FANK1: variants seen among roughly 807,000 people sequenced by gnomAD.
FANK1 encodes the protein fibronectin type 3 and ankyrin repeat domains protein 1.
In FANK1, 44 loss-of-function variants were observed where a neutral mutation model predicts 45.3. The ratio of observed to expected loss-of-function variants is 0.97; its 90% CI spans 0.76 to 1.25. The LOEUF (loss-of-function observed/expected upper bound fraction) is 1.25. Among genes scored for constraint, FANK1 ranks in the 50% most tolerant of loss-of-function variants. FANK1 has a pLI of 0.00. For missense variants in FANK1, 391 were observed against 424.4 expected, an observed-to-expected ratio of 0.92 and a Z score of 0.69; for synonymous variants, 149 against 152.5, an observed-to-expected ratio of 0.98 and a Z score of 0.17.
chr10:125,941,859 A>G (rs1192828455), intron 1 of FANK1, among the ~76,000 whole-genome samples: 1 of 152,256 alleles, frequency 6.6e-6, no homozygotes, highest in Non-Finnish European at 1.5e-5. Context: ...GGAAGAATTC[A>G]TATTACAATG....
At chr10:125,974,114 A>G (rs1263532542) in intron 1 of FANK1, among the ~76,000 whole-genome samples, 4 of 152,252 alleles carry the variant, frequency 2.6e-5, no homozygotes, top group African/African-American at 7.2e-5. Flanking sequence ...TCAGTTTCAG[A>G]GAACATATTC....
intron 1 of FANK1, among the ~76,000 whole-genome samples, chr10:125,946,447 A>G (rs921767876): frequency 1.9e-4 from 29 of 152,212 alleles, no homozygotes; most frequent in African/African-American, 7.0e-4. Context: ...AGGCTCGAGA[A>G]CTATGTGAAG....
At chr10:125,905,180 C>T (rs1945400620) in intron 1 of FANK1, among the ~76,000 whole-genome samples, 1 of 152,264 alleles carries the variant, frequency 6.6e-6, no homozygotes, top group Non-Finnish European at 1.5e-5. Context: ...GCCTGTAGTC[C>T]CAGCTACTCT....
At chr10:125,962,574 C>T (rs1949989688) in intron 1 of FANK1, among the ~76,000 whole-genome samples, 1 of 152,064 alleles carries the variant, frequency 6.6e-6, no homozygotes, top group Non-Finnish European at 1.5e-5. Context: ...TTGATTGATA[C>T]AGTTTTCTGC....
chr10:125,910,066 A>G (rs193123797), intron 1 of FANK1, among the ~76,000 whole-genome samples: 13 of 152,262 alleles, frequency 8.5e-5, no homozygotes, highest in African/African-American at 2.6e-4. Flanking sequence ...AGTTATTTAA[A>G]CCTAAGTTTG....
chr10:125,912,868 C>A (rs1328533609), intron 1 of FANK1, among the ~76,000 whole-genome samples: 8 of 152,214 alleles, frequency 5.3e-5, no homozygotes, highest in African/African-American at 1.9e-4. Flanking sequence ...CTCCTGACCT[C>A]AAGTGATCCG....
intron 2 of FANK1, among the ~76,000 whole-genome samples, chr10:125,982,501 C>T (rs141348894): frequency 1.7e-4 from 26 of 152,344 alleles, no homozygotes; most frequent in Non-Finnish European, 3.5e-4. Context: ...CAAATCTTGA[C>T]GCTAGGTGGC....
intron 1 of FANK1, among the ~76,000 whole-genome samples, chr10:125,932,982 G>C (rs562461823): frequency 2.6e-4 from 40 of 152,060 alleles, no homozygotes; most frequent in African/African-American, 9.2e-4. Flanking sequence ...TTTAAATTTT[G>C]TTTGTGTGGT....
chr10:125,936,432 CA>C (rs11405392), intron 1 of FANK1, among the ~76,000 whole-genome samples: 44,180 of 115,008 alleles, frequency 0.38, 7,655 homozygotes, highest in Non-Finnish European at 0.45. Context: ...GATGCTGTCT[CA>C]AAAAAAAAAA....
intron 1 of FANK1, among the ~76,000 whole-genome samples, chr10:125,914,295 A>ATATATATATATAT (rs1946274486): frequency 2.6e-5 from 4 of 151,032 alleles, no homozygotes; most frequent in African/African-American, 7.3e-5. Context: ...ATATATATTT[A>ATATATATATATAT]AAAAGTCTCA....
At chr10:125,997,708 G>A (rs765311231) in intron 6 of FANK1, among the ~76,000 whole-genome samples, 52 of 152,316 alleles carry the variant, frequency 3.4e-4, no homozygotes, top group Non-Finnish European at 5.7e-4. Context: ...CTGTTGTAAC[G>A]TATGGTGACT....
chr10:125,911,036 C>CA (rs60802998), intron 1 of FANK1, among the ~76,000 whole-genome samples: 54,587 of 130,608 alleles, frequency 0.42, 10,313 homozygotes, highest in Non-Finnish European at 0.48. Flanking sequence ...TCCGTCTTTC[C>CA]AAAAAAAAAA....
chr10:125,943,496 C>T (rs1400581786), intron 1 of FANK1, among the ~76,000 whole-genome samples: 2 of 152,194 alleles, frequency 1.3e-5, no homozygotes, highest in Admixed American at 1.3e-4. Flanking sequence ...AAACCATTCT[C>T]CCTTTTCCTC....
At chr10:125,947,784 T>A (rs1343272907) in intron 1 of FANK1, among the ~76,000 whole-genome samples, 5 of 130,762 alleles carry the variant, frequency 3.8e-5, no homozygotes, top group Non-Finnish European at 8.4e-5. Context: ...TCTACAGAAC[T>A]CTCCACCCCA....
At position 125,980,106 on chromosome 10, in the gene FANK1, T is replaced by A; in HGVS notation, c.14-55T>A. The A allele has an allele frequency of 4.5e-6, 7 of 1,566,466 alleles. No homozygotes were observed. In the South Asian group the frequency reaches 7.2e-5, roughly 16 times the overall value. ...AAGCAGCTGTAATCCACTCGACTGG[T>A]CTCTCTTCCTTATGGAAACTGGGTC... On this transcript the variant is annotated intron_variant, in intron 1 of 10. Coordinates refer to ENST00000368693, the MANE Select transcript of FANK1 (RefSeq NM_145235.5).
chr10:125,978,396 A>G (rs1950983128), intron 1 of FANK1, among the ~76,000 whole-genome samples: 1 of 152,068 alleles, frequency 6.6e-6, no homozygotes, highest in African/African-American at 2.4e-5. Flanking sequence ...CTCGGATACT[A>G]TGAGGCTCAA....
chr10:125,973,405 G>A, intron 1 of FANK1: 1 of 984,960 alleles, frequency 1.0e-6, no homozygotes, highest in Non-Finnish European at 1.2e-6. Context: ...GTTCAACACT[G>A]ATGTCGTGAT....
chr10:125,926,266 T>C (rs1947334424), intron 1 of FANK1, among the ~76,000 whole-genome samples: 1 of 152,250 alleles, frequency 6.6e-6, no homozygotes, highest in African/African-American at 2.4e-5. Context: ...AATGGTAACA[T>C]CTTGCGTAAC....
At chr10:125,919,890 T>G (rs1446114630) in intron 1 of FANK1, among the ~76,000 whole-genome samples, 1 of 152,216 alleles carries the variant, frequency 6.6e-6, no homozygotes, top group Non-Finnish European at 1.5e-5. Flanking sequence ...ACAGTAGGTG[T>G]GTAACCTTCT....
Sources: allele counts gnomAD v4.1 joint callset (sites outside exome capture counted in the v4.1 genomes callset), GRCh38; gene constraint gnomAD v4.1.1; transcripts MANE v1.5; gene names NCBI Gene and HGNC (gene_info 2026-07-23, HGNC 2026-07-21).